SLC25A12: variants seen among roughly 807,000 people sequenced by gnomAD.
SLC25A12 encodes the protein electrogenic aspartate/glutamate antiporter SLC25A12, mitochondrial.
A neutral mutation model predicts 83.3 loss-of-function variants in SLC25A12; 32 were observed. The observed-to-expected ratio is 0.38, with a 90% CI of 0.29 to 0.52. The LOEUF is 0.52. SLC25A12 is among the 20% of genes least tolerant of loss of function. The pLI, the probability that SLC25A12 is intolerant of heterozygous loss-of-function variation, is 0.84. For missense variants in SLC25A12, 611 were observed against 835.6 expected (o/e 0.73, Z 3.31); for synonymous variants, 267 against 291.1 (o/e 0.92, Z 0.84).
chr2:171,894,083 C>T, intron 1 of SLC25A12, 120 bp downstream of exon 1: 1 of 1,365,192 alleles, frequency 7.3e-7, no homozygotes, highest in Non-Finnish European at 1.0e-6. Flanking sequence ...AAGCCGGAGC[C>T]CCAGGACAAG....
At chr2:171,893,165 T>C (rs1685981218) in intron 2 of SLC25A12, 40 bp downstream of exon 2, 1 of 1,562,046 alleles carries the variant, frequency 6.4e-7, no homozygotes, top group South Asian at 1.1e-5. Flanking sequence ...GTACGTTTTT[T>C]GTTTTTGCAA....
At chr2:171,875,844 C>T (rs780955479) in intron 2 of SLC25A12, among the ~76,000 whole-genome samples, 6 of 132,510 alleles carry the variant, frequency 4.5e-5, no homozygotes, top group Non-Finnish European at 7.7e-5. Flanking sequence ...ACCCGGGCGG[C>T]GGAGCTTGCA....
At chr2:171,886,230 CTT>C (rs11428637) in intron 2 of SLC25A12, among the ~76,000 whole-genome samples, 14 of 122,538 alleles carry the variant, frequency 1.1e-4, no homozygotes, top group African/African-American at 1.5e-4. Context: ...AATATAATAG[CTT>C]TTTTTTTTTT....
In SLC25A12 at chr2:171,785,373, A is replaced by G. The variant is rs1379301583; in HGVS notation, c.1938T>C (p.Phe646=). The G allele has an allele frequency of 6.2e-7, 1 of 1,614,228 alleles. No individual in the cohort carries two copies. Among genetic ancestry groups the G allele is most frequent in the East Asian group, 2.2e-5 (1 of 44,890 alleles). Residue 646 remains phenylalanine, a synonymous_variant, in exon 18 of 18, where the codon TTT becomes TTC. Coordinates refer to ENST00000422440, the MANE Select transcript of SLC25A12 (RefSeq NM_003705.5). ...IGGYRLATAT[F]AGIENKFGLY... ...GGCCAAATTTGTTTTCGATGCCTGC[A>G]AACGTGGCTGTGGCGAGTCTGTATC...
chr2:171,799,489 G>C (rs1683665323), intron 13 of SLC25A12, among the ~76,000 whole-genome samples: 2 of 152,178 alleles, frequency 1.3e-5, no homozygotes, highest in Non-Finnish European at 2.9e-5. Flanking sequence ...ATAAGGAGCT[G>C]GCTAGTTACA....
At chr2:171,821,153 C>T (rs34962243) in intron 9 of SLC25A12, among the ~76,000 whole-genome samples, 38,040 of 150,592 alleles carry the variant, frequency 0.25, 5,834 homozygotes, top group Middle Eastern at 0.37. Context: ...CCTCAGCCTC[C>T]CGAGCAGCTG....
chr2:171,866,170 G>A (rs1196123297), intron 3 of SLC25A12, among the ~76,000 whole-genome samples: 3 of 140,210 alleles, frequency 2.1e-5, no homozygotes, highest in Non-Finnish European at 3.1e-5. Flanking sequence ...TAAGGTCACA[G>A]ATCAACAGGA....
chr2:171,819,339 ATAT>A (rs61563548), intron 9 of SLC25A12, among the ~76,000 whole-genome samples: 10,975 of 123,294 alleles, frequency 0.089, 704 homozygotes, highest in South Asian at 0.17. Flanking sequence ...ATAATTATAT[ATAT>A]TATTATATAT....
chr2:171,828,442 C>T (rs1684358325), intron 8 of SLC25A12, among the ~76,000 whole-genome samples: 4 of 152,176 alleles, frequency 2.6e-5, no homozygotes, highest in Admixed American at 2.6e-4. Context: ...TTTGACTTCC[C>T]TTATCCTACT....
At chr2:171,870,198 T>G (rs566531898) in intron 2 of SLC25A12, among the ~76,000 whole-genome samples, 18 of 152,262 alleles carry the variant, frequency 1.2e-4, no homozygotes, top group African/African-American at 4.1e-4. Flanking sequence ...AAATCAAAAG[T>G]TTGGTAATTT....
intron 13 of SLC25A12, among the ~76,000 whole-genome samples, chr2:171,800,686 T>C (rs1462566591): frequency 6.6e-6 from 1 of 152,354 alleles, no homozygotes; most frequent in African/African-American, 2.4e-5. Context: ...GCAACCTTAT[T>C]TGTAACAGAC....
At chr2:171,792,082 C>A (rs3770459) in intron 14 of SLC25A12, among the ~76,000 whole-genome samples, 38,159 of 151,584 alleles carry the variant, frequency 0.25, 5,831 homozygotes, top group Middle Eastern at 0.36. Context: ...CCTCATTCCC[C>A]ATGTCCTAAA....
At chr2:171,791,618 A>G (rs748046682) in intron 14 of SLC25A12, 29 bp from the exon 15 acceptor site, 6 of 1,610,210 alleles carry the variant, frequency 3.7e-6, no homozygotes, top group Non-Finnish European at 4.2e-6. Context: ...ATAGTGCAAA[A>G]CAGTGTGAAA....
chr2:171,871,248 A>G (rs1409289974), intron 2 of SLC25A12, among the ~76,000 whole-genome samples: 1 of 151,712 alleles, frequency 6.6e-6, no homozygotes, highest in Non-Finnish European at 1.5e-5. Flanking sequence ...TACCACCACA[A>G]GTGCTATATC....
chr2:171,786,382 T>TAAAA (rs5836348), intron 17 of SLC25A12, among the ~76,000 whole-genome samples: 3 of 85,826 alleles, frequency 3.5e-5, no homozygotes, highest in South Asian at 4.4e-4. Flanking sequence ...AGACTCCGTC[T>TAAAA]AAAAAAAAAA....
chr2:171,802,547 T>C (rs1973707), intron 13 of SLC25A12, among the ~76,000 whole-genome samples: 119,798 of 151,636 alleles, frequency 0.79, 48,238 homozygotes, highest in East Asian at 0.89. Context: ...GAGGCTGAAG[T>C]GGGTGGATCA....
chr2:171,851,104 A>T (rs550973307), intron 4 of SLC25A12, among the ~76,000 whole-genome samples: 23 of 152,292 alleles, frequency 1.5e-4, no homozygotes, highest in African/African-American at 5.5e-4. Context: ...TTGGAACACA[A>T]TGTTGATGTT....
intron 3 of SLC25A12, among the ~76,000 whole-genome samples, chr2:171,867,106 A>G (rs1685343021): frequency 6.7e-6 from 1 of 149,026 alleles, no homozygotes; most frequent in South Asian, 2.1e-4. Context: ...CTCACTTCCT[A>G]GATGGGATGG....
intron 5 of SLC25A12, among the ~76,000 whole-genome samples, chr2:171,843,637 A>AT (rs1160925856): frequency 1.3e-5 from 2 of 152,016 alleles, no homozygotes; most frequent in African/African-American, 2.4e-5. Context: ...GTCTCAAAAA[A>AT]ATATATAATA....
Sources: allele counts gnomAD v4.1 joint callset (sites outside exome capture counted in the v4.1 genomes callset), GRCh38; gene constraint gnomAD v4.1.1; transcripts MANE v1.5; gene names NCBI Gene and HGNC (gene_info 2026-07-23, HGNC 2026-07-21).